The following ADGRV1 variants were observed in gnomAD, a reference collection of about 807,000 sequenced individuals.
ADGRV1 encodes adhesion G protein-coupled receptor V1, also known as G-protein coupled receptor 98.
Under a neutral mutation model 596.2 loss-of-function variants are expected in ADGRV1, and 359 were observed. The observed-to-expected ratio is 0.60, with a 90% CI of 0.55 to 0.66. The LOEUF (loss-of-function observed/expected upper bound fraction) is 0.66. Ranked by LOEUF, ADGRV1 falls within the 30% of genes least tolerant of loss-of-function variation. The probability of loss-of-function intolerance (pLI) is 0.00; values close to 1 mark genes in which losing one functional copy is unlikely to be tolerated. For missense variants in ADGRV1, 7,274 were observed against 7,575.6 expected, an observed-to-expected ratio of 0.96 and a Z score of 1.48; for synonymous variants, 2,681 against 2,679.2, an observed-to-expected ratio of 1.00 and a Z score of -0.02.
At chr5:90,597,225 A>T (rs1317182037) in intron 1 of ADGRV1, among the ~76,000 whole-genome samples, 1 of 152,332 alleles carries the variant, frequency 6.6e-6, no homozygotes, top group African/African-American at 2.4e-5. Context: ...GAGGTAGCTC[A>T]GTGGAAGTGT....
At chr5:91,071,404 C>G (rs1460867837) in intron 85 of ADGRV1, among the ~76,000 whole-genome samples, 2 of 152,128 alleles carry the variant, frequency 1.3e-5, no homozygotes, top group East Asian at 3.9e-4. Context: ...AATCCACCAA[C>G]TAATTTGAAA....
chr5:91,057,332 A>G (rs1047039708), intron 85 of ADGRV1, among the ~76,000 whole-genome samples: 1 of 152,266 alleles, frequency 6.6e-6, no homozygotes, highest in African/African-American at 2.4e-5. Flanking sequence ...CATAAAGGGA[A>G]GTGTTTGAAG....
At chr5:90,572,985 CAAG>C (rs1269977460) in intron 1 of ADGRV1, among the ~76,000 whole-genome samples, 1 of 152,090 alleles carries the variant, frequency 6.6e-6, no homozygotes, top group Admixed American at 6.6e-5. Flanking sequence ...AACTCAGGAT[CAAG>C]TTATGGGGCA....
rs373788903 is a variant in ADGRV1, at chr5:90,694,483, C to A, written c.7727C>A (p.Ala2576Asp). Residue 2576 changes from alanine to aspartate, a missense_variant, in exon 33 of 90, where the codon GCC becomes GAC. Around this residue, in one of 5 missense-constraint regions of ADGRV1, gnomAD observed 3,643 missense variants for 3,809.2 expected, o/e 0.96. Transcript: ENST00000405460. ...STVVIALNGD[A>D]FGVFVIYNIS... is the part of the protein sequence containing the mutation. ...GTTGTCATAGCACTAAATGGTGATG[C>A]CTTTGGAGTGTTTGTGATCTACAAT... The A allele has an allele frequency of 2.5e-6, 4 of 1,613,888 alleles. No individual in the cohort carries two copies. Among genetic ancestry groups the A allele is most frequent in the Middle Eastern group, 1.6e-4 (1 of 6,062 alleles).
At chr5:91,007,293 C>T (rs189835335) in intron 85 of ADGRV1, among the ~76,000 whole-genome samples, 19 of 152,266 alleles carry the variant, frequency 1.2e-4, no homozygotes, top group Admixed American at 1.2e-3. Context: ...CAAGAAAGAC[C>T]ACACTTTACT....
chr5:90,627,422 G>T lies in ADGRV1; in HGVS notation c.884G>T (p.Gly295Val), dbSNP rs761931746. The change falls in exon 7 of 90, where the codon GGA (glycine) becomes GTA (valine). Residue 295 changes from glycine (G) to valine (V), a missense_variant. Physicochemically the swap from Gly to Val is moderately radical, Grantham distance 109. This residue lies in a region of ADGRV1 where 1,715 missense variants were observed against 1,708.8 expected (regional missense o/e 1.00). Transcript: ENST00000405460. ...RGKDNNGNLI[G>V]SDEYEVSISY... is the part of the protein sequence containing the mutation. Reference sequence around the variant, plus strand: ...AAGGACAACAATGGAAATCTGATTGGATCTGATGAATATGAGGTTTCAATC... The same window carrying T: ...AAGGACAACAATGGAAATCTGATTGTATCTGATGAATATGAGGTTTCAATC... 8.1e-6 allele frequency: 13 copies of T among 1,613,672 alleles called. No homozygotes were observed. The highest frequency in any genetic ancestry group is 5.0e-5 in the Admixed American group (3 of 59,996).
At chr5:90,696,594 A>T (rs950474439) in intron 33 of ADGRV1, among the ~76,000 whole-genome samples, 1 of 152,096 alleles carries the variant, frequency 6.6e-6, no homozygotes, top group Admixed American at 6.6e-5. Context: ...TCTAAACAGG[A>T]TATCTTTGGA....
At chr5:90,983,479 A>G (rs764368333) in intron 84 of ADGRV1, among the ~76,000 whole-genome samples, 13 of 152,210 alleles carry the variant, frequency 8.5e-5, no homozygotes, top group Non-Finnish European at 1.9e-4. Flanking sequence ...ACGATGTCAC[A>G]TGGATGCACA....
chr5:91,009,603 A>C (rs1782562348), intron 85 of ADGRV1, among the ~76,000 whole-genome samples: 1 of 152,128 alleles, frequency 6.6e-6, no homozygotes, highest in African/African-American at 2.4e-5. Flanking sequence ...CAGATAATGA[A>C]AAATAATTGG....
intron 2 of ADGRV1, among the ~76,000 whole-genome samples, 189 bp downstream of exon 2, chr5:90,615,208 T>C (rs555123666): frequency 3.3e-5 from 5 of 152,074 alleles, no homozygotes; most frequent in African/African-American, 1.2e-4. Context: ...CATAATCATG[T>C]ATATTTAACA....
At chr5:90,645,567 G>T (rs550507291) in intron 15 of ADGRV1, among the ~76,000 whole-genome samples, 2 of 152,232 alleles carry the variant, frequency 1.3e-5, no homozygotes, top group African/African-American at 4.8e-5. Context: ...GCCTTTGTGA[G>T]CTGGCTGAGC....
rs551780923 is a variant in ADGRV1, at chr5:90,848,883, A to C, written c.17204+62A>C. 2.6e-6 allele frequency: 3 copies of C among 1,156,154 alleles called. No homozygotes were observed. The Admixed American group carries it at 7.9e-5, about 30-fold the overall frequency. The allele number at this position is 1,156,154 out of a possible 1,614,324, so 71.6% of individuals were successfully genotyped here. A position where few individuals can be genotyped will look rare whatever the true frequency, so the allele number is the denominator to read the frequency against. On this transcript the variant is annotated intron_variant, in intron 79 of 89. Transcript: ENST00000405460. ...GCATTTTTTTCACTGTTTACAAAGC[A>C]ATATGTAATGCAAAATGACATTTAG... is the stretch of plus-strand genomic sequence containing the variant.
chr5:90,924,534 C>T (rs1395148264), intron 83 of ADGRV1, among the ~76,000 whole-genome samples: 4 of 151,042 alleles, frequency 2.6e-5, no homozygotes, highest in Non-Finnish European at 5.9e-5. Flanking sequence ...GGATATTAGC[C>T]CTTTGTCAGA....
chr5:90,852,668 T>G (rs553168637), intron 79 of ADGRV1, among the ~76,000 whole-genome samples: 1 of 152,330 alleles, frequency 6.6e-6, no homozygotes, highest in East Asian at 1.9e-4. Context: ...CAATGCACAC[T>G]GAGGTTTAGA....
At chr5:90,628,451 A>G in intron 7 of ADGRV1, 111 bp from the exon 8 acceptor site, 3 of 859,704 alleles carry the variant, frequency 3.5e-6, no homozygotes, top group Non-Finnish European at 5.5e-6. Flanking sequence ...TTTTTGTTGT[A>G]TAGATTCTGT....
intron 1 of ADGRV1, among the ~76,000 whole-genome samples, chr5:90,601,451 T>G (rs1761399861): frequency 6.6e-6 from 1 of 152,190 alleles, no homozygotes; most frequent in East Asian, 1.9e-4. Flanking sequence ...AAAAAGTAAC[T>G]TGGTTTTCAA....
chr5:90,966,768 G>C (rs1223536160), intron 84 of ADGRV1, among the ~76,000 whole-genome samples: 1 of 152,078 alleles, frequency 6.6e-6, no homozygotes, highest in Non-Finnish European at 1.5e-5. Context: ...TGCTGATTTG[G>C]TCGATAAAGA....
chr5:90,638,608 T>G (rs1005161432), intron 11 of ADGRV1, among the ~76,000 whole-genome samples: 1 of 151,950 alleles, frequency 6.6e-6, no homozygotes, highest in Non-Finnish European at 1.5e-5. Flanking sequence ...GATTTAATAA[T>G]TCTAAAAAAT....
intron 70 of ADGRV1, among the ~76,000 whole-genome samples, chr5:90,794,365 AGACT>A: frequency 6.6e-6 from 1 of 152,342 alleles, no homozygotes; most frequent in Non-Finnish European, 1.5e-5. Flanking sequence ...TATGAGGCAC[AGACT>A]GACAATAAGA....
Sources: gnomAD v4.1 joint callset for allele counts (sites outside exome capture counted in the v4.1 genomes callset) on GRCh38, gnomAD v4.1.1 for gene constraint, gnomAD v4.1.1 regional missense constraint, MANE v1.5 for transcripts, NCBI Gene and HGNC (gene_info 2026-07-23, HGNC 2026-07-21) for gene names.